NEXMIF: variants seen among roughly 807,000 people sequenced by gnomAD.
NEXMIF encodes neurite extension and migration factor, also known as XLMR protein related to neurite extension.
NEXMIF carries 8 observed loss-of-function variants against 62.1 expected under a neutral mutation model. The ratio of observed to expected loss-of-function variants is 0.13; its 90% confidence interval spans 0.08 to 0.23. The LOEUF (loss-of-function observed/expected upper bound fraction) is 0.23, where lower values mean the gene tolerates loss of function less well. Among genes scored for constraint, NEXMIF ranks in the 10% least tolerant of loss-of-function variants. The probability of loss-of-function intolerance (pLI) is 1.00; values close to 1 mark genes in which losing one functional copy is unlikely to be tolerated. For synonymous variants in NEXMIF, 404 were observed against 416.6 expected (o/e 0.97, Z 0.37); for missense variants, 976 against 1,113.3 (o/e 0.88, Z 1.75).
chrX:74,797,365 A>C (rs1037315040), intron 1 of NEXMIF, among the ~76,000 whole-genome samples: 1 of 112,340 alleles, frequency 8.9e-6, no homozygotes, highest in Non-Finnish European at 1.9e-5. Flanking sequence ...CTTAGTTTTT[A>C]TAAATGTACC....
chrX:74,922,113 T>C (rs2147378538), intron 1 of NEXMIF, among the ~76,000 whole-genome samples: 1 of 111,731 alleles, frequency 9.0e-6, no homozygotes, highest in African/African-American at 3.3e-5. Flanking sequence ...CCAGGATCCA[T>C]GAACCCATCT....
Position 74,743,192 on chromosome X carries a change from C to A in NEXMIF, c.1365G>T (p.Glu455Asp). 8.3e-7 allele frequency: 1 copy of A among 1,210,939 alleles called. No homozygotes were observed. The highest frequency in any genetic ancestry group is 1.1e-6 in the Non-Finnish European group (1 of 895,050). Residue 455 changes from glutamate (E) to aspartate (D), a missense_variant, in exon 3 of 4, where the codon GAG becomes GAT. This residue lies in a region of NEXMIF where 639 missense variants were observed against 694.5 expected (regional missense o/e 0.92). Coordinates refer to ENST00000055682, the MANE Select transcript of NEXMIF (RefSeq NM_001008537.3). ...FIEISYDAMG[E>D]IKDCSRYMAR... ...CCATATAGCGACTACAGTCCTTGATCTCACCCATAGCATCATATGAGATCT... is the reference window on the plus strand; with the variant it reads ...CCATATAGCGACTACAGTCCTTGATATCACCCATAGCATCATATGAGATCT...
At chrX:74,781,520 T>C (rs771102510) in intron 1 of NEXMIF, among the ~76,000 whole-genome samples, 1 of 112,321 alleles carries the variant, frequency 8.9e-6, no homozygotes, top group East Asian at 2.8e-4. Context: ...AAGCCTTAGG[T>C]GTATGTGAAA....
rs2147437862 is a variant in NEXMIF, at chrX:74,738,682, C to T, written c.*723G>A. The T allele has an allele frequency of 1.8e-5, 2 of 110,749 alleles. No individual in the cohort carries two copies. Among genetic ancestry groups the T allele is most frequent in the East Asian group, 5.7e-4 (2 of 3,501 alleles). The allele number at this position is 110,749 out of a possible 1,213,427, so 9.1% of individuals were successfully genotyped here. ...TTCTGTAAATGCATATACTTGGGTC[C>T]CTGATGGACTTAGCTGTTGTGGCCT... On this transcript the variant is annotated 3_prime_UTR_variant, in exon 4 of 4. Coordinates refer to ENST00000055682, the MANE Select transcript of NEXMIF (RefSeq NM_001008537.3).
intron 1 of NEXMIF, among the ~76,000 whole-genome samples, chrX:74,794,930 C>T (rs1281662747): frequency 1.8e-5 from 2 of 111,870 alleles, no homozygotes; most frequent in East Asian, 2.8e-4. Context: ...CAGAAATCAC[C>T]GTCTTCTGTG....
chrX:74,883,746 C>T (rs2080676899), intron 1 of NEXMIF, among the ~76,000 whole-genome samples: 1 of 111,951 alleles, frequency 8.9e-6, no homozygotes, highest in Admixed American at 9.5e-5. Context: ...AGGAGAACTT[C>T]CCCAATCTAG....
intron 1 of NEXMIF, among the ~76,000 whole-genome samples, chrX:74,853,550 A>G (rs2080523462): frequency 9.1e-6 from 1 of 110,239 alleles, no homozygotes; most frequent in Admixed American, 9.7e-5. Context: ...CCTAGTTTGC[A>G]TATCTATGCC....
chrX:74,775,102 T>C (rs778657379), intron 1 of NEXMIF, among the ~76,000 whole-genome samples: 4 of 111,766 alleles, frequency 3.6e-5, no homozygotes, highest in Admixed American at 9.5e-5. Context: ...CCACATCAGC[T>C]AATGGATAAG....
intron 1 of NEXMIF, among the ~76,000 whole-genome samples, chrX:74,909,745 G>A (rs2080781784): frequency 8.9e-6 from 1 of 111,743 alleles, no homozygotes; most frequent in South Asian, 3.8e-4. Flanking sequence ...AAATGGTTTT[G>A]TGGGATAGGC....
At chrX:74,795,995 T>C (rs2080305193) in intron 1 of NEXMIF, among the ~76,000 whole-genome samples, 1 of 99,927 alleles carries the variant, frequency 1.0e-5, no homozygotes, top group Admixed American at 1.2e-4. Context: ...GGAAGCTAAG[T>C]TTGTCATTGT....
intron 1 of NEXMIF, among the ~76,000 whole-genome samples, chrX:74,783,600 G>A (rs1028741329): frequency 9.0e-5 from 10 of 111,503 alleles, no homozygotes; most frequent in Non-Finnish European, 1.1e-4. Flanking sequence ...TGGCTCCAAC[G>A]TAAAGGGTAA....
intron 1 of NEXMIF, among the ~76,000 whole-genome samples, chrX:74,873,822 C>G (rs1259639686): frequency 9.0e-6 from 1 of 111,551 alleles, no homozygotes; most frequent in Non-Finnish European, 1.9e-5. Flanking sequence ...GTCCTTCACC[C>G]ACTTTTTGAT....
intron 1 of NEXMIF, among the ~76,000 whole-genome samples, chrX:74,829,734 T>C (rs1458809963): frequency 8.9e-6 from 1 of 112,014 alleles, no homozygotes; most frequent in Non-Finnish European, 1.9e-5. Context: ...GTCTTTTGGA[T>C]AAAAGCCATT....
rs972771670 is a variant in NEXMIF at position 74,797,227 on chromosome X, T to C, written c.-47-51530A>G. On this transcript the variant is annotated intron_variant, in intron 1 of 3. Transcript: ENST00000055682. ...ACCAGAGAAGACTAAGGACACATGATGATTAAATGCAATGTATTATCTTGG... is the reference window on the plus strand; with the variant it reads ...ACCAGAGAAGACTAAGGACACATGACGATTAAATGCAATGTATTATCTTGG... Among the ~76,000 whole-genome samples, 23 of 112,273 alleles carry C rather than the reference T, an allele frequency of 2.0e-4. 1 individual carries two copies. Among genetic ancestry groups the C allele is most frequent in the Admixed American group, 1.6e-3 (17 of 10,564 alleles).
At chrX:74,760,128 A>C (rs2080171574) in intron 1 of NEXMIF, among the ~76,000 whole-genome samples, 1 of 111,246 alleles carries the variant, frequency 9.0e-6, no homozygotes, top group African/African-American at 3.3e-5. Context: ...CTGTATTCTT[A>C]GGTATTTTAT....
intron 1 of NEXMIF, among the ~76,000 whole-genome samples, chrX:74,751,493 T>TC (rs1471025143): frequency 1.3e-4 from 13 of 99,905 alleles, no homozygotes; most frequent in Admixed American, 9.8e-4. Context: ...TCTCTCTCTC[T>TC]TTTTTTTTTT....
At chrX:74,874,221 T>A (rs1242805860) in intron 1 of NEXMIF, among the ~76,000 whole-genome samples, 3 of 109,840 alleles carry the variant, frequency 2.7e-5, no homozygotes, top group Non-Finnish European at 5.7e-5. Context: ...GGCTAGCCAG[T>A]TTTCCCAGCA....
intron 1 of NEXMIF, among the ~76,000 whole-genome samples, chrX:74,773,904 G>A (rs1233374769): frequency 2.0e-3 from 80 of 39,842 alleles, no homozygotes; most frequent in Admixed American, 3.9e-3. Context: ...GTAAGACTCC[G>A]TCTCAAAAAA....
In NEXMIF at chrX:74,919,394, G is replaced by T. The variant is rs756281005; in HGVS notation, c.-48+5489C>A. ...TCTCCAAAGCTCATTATACCCTCAA[G>T]TTTTGCAAATATAATCACCTCCCCA... On this transcript the variant is annotated intron_variant, in intron 1 of 3. Coordinates refer to ENST00000055682, the MANE Select transcript of NEXMIF (RefSeq NM_001008537.3). Among the ~76,000 whole-genome samples, 43 of 111,210 alleles carry T rather than the reference G, an allele frequency of 3.9e-4. 1 individual carries two copies. The highest frequency in any genetic ancestry group is 6.0e-4 in the Non-Finnish European group (32 of 53,011).
Sources: allele counts gnomAD v4.1 joint callset (sites outside exome capture counted in the v4.1 genomes callset), GRCh38; gene constraint gnomAD v4.1.1; regional missense constraint gnomAD v4.1.1; transcripts MANE v1.5; gene names NCBI Gene and HGNC (gene_info 2026-07-23, HGNC 2026-07-21).